The following NSMCE2 variants were observed in gnomAD, a reference collection of about 807,000 sequenced individuals.
NSMCE2 encodes E3 SUMO-protein ligase NSE2.
NSMCE2 carries 24 observed loss-of-function variants against 23.8 expected under a neutral mutation model. That is an observed-to-expected ratio of 1.01 (90% confidence interval 0.73 to 1.42). The LOEUF (loss-of-function observed/expected upper bound fraction) is 1.42. Among genes scored for constraint, NSMCE2 ranks in the 40% most tolerant of loss-of-function variants. The pLI is 0.00. For missense variants in NSMCE2, 284 were observed against 296.5 expected, an observed-to-expected ratio of 0.96 and a Z score of 0.31; for synonymous variants, 92 against 94.1, an observed-to-expected ratio of 0.98 and a Z score of 0.13.
intron 1 of NSMCE2, among the ~76,000 whole-genome samples, chr8:125,095,375 G>A (rs1276833458): frequency 3.9e-5 from 6 of 152,044 alleles, no homozygotes; most frequent in Non-Finnish European, 8.8e-5. Flanking sequence ...GATCACTTGA[G>A]CTCAGGAGTT....
chr8:125,108,211 G>T (rs1439538970), intron 3 of NSMCE2, among the ~76,000 whole-genome samples: 3 of 152,184 alleles, frequency 2.0e-5, no homozygotes, highest in Non-Finnish European at 4.4e-5. Flanking sequence ...TAGATGACAT[G>T]AGAAGTCCTC....
chr8:125,172,055 G>A (rs1406309290), intron 4 of NSMCE2, among the ~76,000 whole-genome samples: 1 of 152,144 alleles, frequency 6.6e-6, no homozygotes, highest in Non-Finnish European at 1.5e-5. Context: ...AATACTCAAA[G>A]GTTAAGTAGA....
chr8:125,184,869 T>C (rs1006794505), intron 5 of NSMCE2, among the ~76,000 whole-genome samples: 1 of 152,170 alleles, frequency 6.6e-6, no homozygotes. Flanking sequence ...TTTTGAGATA[T>C]GTTCTGGCGG....
At chr8:125,276,652 A>G (rs1383097467) in intron 5 of NSMCE2, among the ~76,000 whole-genome samples, 2 of 152,240 alleles carry the variant, frequency 1.3e-5, no homozygotes, top group Non-Finnish European at 2.9e-5. Flanking sequence ...CTTTGAATAA[A>G]GAAGGAAGGA....
intron 5 of NSMCE2, among the ~76,000 whole-genome samples, chr8:125,237,814 G>T (rs1401775312): frequency 6.6e-6 from 1 of 152,110 alleles, no homozygotes; most frequent in Non-Finnish European, 1.5e-5. Context: ...GATTCCCCAG[G>T]TGATGCCCAT....
chr8:125,241,898 AGTG>A (rs1448690945), intron 5 of NSMCE2, among the ~76,000 whole-genome samples: 7 of 152,176 alleles, frequency 4.6e-5, no homozygotes, highest in Non-Finnish European at 1.0e-4. Flanking sequence ...CCTCAAGTCT[AGTG>A]GTGTTGACTT....
chr8:125,107,425 C>T (rs1818518499), intron 3 of NSMCE2, among the ~76,000 whole-genome samples: 1 of 151,966 alleles, frequency 6.6e-6, no homozygotes, highest in Admixed American at 6.5e-5. Flanking sequence ...AACTCCTGAC[C>T]TCGTGATCCA....
intron 5 of NSMCE2, among the ~76,000 whole-genome samples, chr8:125,325,829 G>T (rs959373264): frequency 6.6e-6 from 1 of 152,160 alleles, no homozygotes; most frequent in Non-Finnish European, 1.5e-5. Flanking sequence ...GCGGGCACCT[G>T]TCATCCCAGC....
chr8:125,269,974 C>T (rs753592176), intron 5 of NSMCE2, among the ~76,000 whole-genome samples: 3 of 152,186 alleles, frequency 2.0e-5, no homozygotes, highest in Admixed American at 6.5e-5. Flanking sequence ...AGGACAAGCA[C>T]GGCCCTTATG....
intron 4 of NSMCE2, among the ~76,000 whole-genome samples, chr8:125,152,622 A>G (rs1379432512): frequency 2.0e-5 from 3 of 152,196 alleles, no homozygotes; most frequent in Admixed American, 1.3e-4. Flanking sequence ...TCTATCTTTA[A>G]CTTTCATACT....
At chr8:125,261,711 T>C (rs1235917802) in intron 5 of NSMCE2, among the ~76,000 whole-genome samples, 2 of 151,256 alleles carry the variant, frequency 1.3e-5, no homozygotes, top group Non-Finnish European at 2.9e-5. Context: ...AGGGAAAATA[T>C]CCACTTTGGT....
At chr8:125,174,549 A>T (rs2130779578) in intron 4 of NSMCE2, among the ~76,000 whole-genome samples, 1 of 152,336 alleles carries the variant, frequency 6.6e-6, no homozygotes, top group East Asian at 1.9e-4. Flanking sequence ...GTTTAGTAAC[A>T]GATGCACATA....
chr8:125,195,035 T>C (rs10089963), intron 5 of NSMCE2, among the ~76,000 whole-genome samples: 24,232 of 152,048 alleles, frequency 0.16, 2,949 homozygotes, highest in African/African-American at 0.34. Flanking sequence ...TAGAAACTTA[T>C]TAAAAATATA....
chr8:125,100,271 GTC>G (rs1818124359), intron 1 of NSMCE2, among the ~76,000 whole-genome samples: 1 of 152,150 alleles, frequency 6.6e-6, no homozygotes, highest in Non-Finnish European at 1.5e-5. Context: ...ATCAGGAAAA[GTC>G]AAGTATTGTC....
chr8:125,136,569 A>G (rs1455532683), intron 3 of NSMCE2, among the ~76,000 whole-genome samples: 1 of 152,130 alleles, frequency 6.6e-6, no homozygotes, highest in African/African-American at 2.4e-5. Flanking sequence ...CTGTGGTGTT[A>G]TAATTGATAC....
At chr8:125,146,255 C>A (rs953099391) in intron 3 of NSMCE2, among the ~76,000 whole-genome samples, 2 of 152,140 alleles carry the variant, frequency 1.3e-5, no homozygotes, top group African/African-American at 4.8e-5. Flanking sequence ...TGTTTAAATA[C>A]CTTTTTGCAC....
At chr8:125,123,567 G>T (rs1232361404) in intron 3 of NSMCE2, among the ~76,000 whole-genome samples, 1 of 152,246 alleles carries the variant, frequency 6.6e-6, no homozygotes, top group Non-Finnish European at 1.5e-5. Flanking sequence ...AATATCTTCT[G>T]CAGTGCTAAC....
At chr8:125,344,948 A>G (rs1435591522) in intron 5 of NSMCE2, among the ~76,000 whole-genome samples, 1 of 151,910 alleles carries the variant, frequency 6.6e-6, no homozygotes, top group Non-Finnish European at 1.5e-5. Flanking sequence ...TCTTTCAGAT[A>G]TCTATACTTC....
intron 3 of NSMCE2, among the ~76,000 whole-genome samples, chr8:125,120,288 T>A (rs976860897): frequency 3.9e-5 from 6 of 152,226 alleles, no homozygotes; most frequent in African/African-American, 1.2e-4. Flanking sequence ...TTTAAATCAA[T>A]CATCATGTAA....
Sources: gnomAD v4.1 joint callset for allele counts (sites outside exome capture counted in the v4.1 genomes callset) on GRCh38, gnomAD v4.1.1 for gene constraint, MANE v1.5 for transcripts, NCBI Gene and HGNC (gene_info 2026-07-23, HGNC 2026-07-21) for gene names.